STXBP5L: variants seen among roughly 807,000 people sequenced by gnomAD.
The protein encoded by STXBP5L is syntaxin binding protein 5L, also known as syntaxin-binding protein 5-like.
Under a neutral mutation model 144.5 loss-of-function variants are expected in STXBP5L, and 65 were observed. That is an observed-to-expected ratio of 0.45 (90% CI 0.37 to 0.55). The LOEUF (loss-of-function observed/expected upper bound fraction) is 0.55. Ranked by LOEUF, STXBP5L falls within the 20% of genes least tolerant of loss-of-function variation. The probability of loss-of-function intolerance (pLI) is 0.00; values close to 1 mark genes in which losing one functional copy is unlikely to be tolerated. For synonymous variants in STXBP5L, 505 were observed against 469.6 expected, an observed-to-expected ratio of 1.08 and a Z score of -0.97; for missense variants, 1,298 against 1,405.5, an observed-to-expected ratio of 0.92 and a Z score of 1.22.
At chr3:121,101,713 G>A (rs2043436432) in intron 5 of STXBP5L, among the ~76,000 whole-genome samples, 1 of 146,562 alleles carries the variant, frequency 6.8e-6, no homozygotes, top group East Asian at 1.9e-4. Flanking sequence ...ATTCAACATA[G>A]TACTGGAAGT....
chr3:120,986,558 A>G (rs1942304178), intron 3 of STXBP5L, among the ~76,000 whole-genome samples: 2 of 151,922 alleles, frequency 1.3e-5, no homozygotes. Context: ...ATAAGTAAAT[A>G]TTGTTGTATT....
At chr3:121,354,191 T>C (rs1489852470) in intron 20 of STXBP5L, among the ~76,000 whole-genome samples, 1 of 152,178 alleles carries the variant, frequency 6.6e-6, no homozygotes, top group Admixed American at 6.5e-5. Context: ...TAGGTGTCTA[T>C]TAGGTCTGTT....
chr3:121,063,880 G>A (rs989941282), intron 5 of STXBP5L, among the ~76,000 whole-genome samples: 4 of 152,040 alleles, frequency 2.6e-5, no homozygotes, highest in African/African-American at 7.2e-5. Context: ...TCAGACTGCT[G>A]TGTTGACAGC....
At chr3:121,138,707 T>G (rs2045366038) in intron 7 of STXBP5L, among the ~76,000 whole-genome samples, 1 of 151,996 alleles carries the variant, frequency 6.6e-6, no homozygotes, top group South Asian at 2.1e-4. Context: ...TATATGCATA[T>G]GTGGAAGAAT....
intron 5 of STXBP5L, among the ~76,000 whole-genome samples, chr3:121,100,909 A>G (rs2043388785): frequency 6.6e-6 from 1 of 152,094 alleles, no homozygotes; most frequent in Admixed American, 6.6e-5. Flanking sequence ...AACAAAGGTG[A>G]CATTATAACT....
rs965672790 is a variant in STXBP5L, at chr3:121,312,733, G to C, written c.2111-5742G>C. Among the ~76,000 whole-genome samples the C allele has an allele frequency of 5.3e-5, 8 of 150,756 alleles. No individual in the cohort carries two copies. In the East Asian group the frequency reaches 1.6e-3, roughly 30 times the overall value. ...TTGCACCGCCCTTAATCCATTTAAC[G>C]CTGAGTGGACACAGCACATGTTTCA... On this transcript the variant is annotated intron_variant, in intron 19 of 26. Coordinates refer to ENST00000471454, the MANE Select transcript of STXBP5L (RefSeq NM_001308330.2).
At chr3:121,016,601 T>G (rs1045907558) in intron 3 of STXBP5L, among the ~76,000 whole-genome samples, 1 of 152,140 alleles carries the variant, frequency 6.6e-6, no homozygotes, top group Non-Finnish European at 1.5e-5. Flanking sequence ...GAATAGAATA[T>G]CCAATAACTG....
chr3:121,118,823 A>C (rs1174247185), intron 6 of STXBP5L, among the ~76,000 whole-genome samples: 2 of 151,620 alleles, frequency 1.3e-5, no homozygotes, highest in Non-Finnish European at 3.0e-5. Flanking sequence ...AATGGTGTAC[A>C]ATGGTGCCAT....
intron 3 of STXBP5L, among the ~76,000 whole-genome samples, chr3:121,037,082 A>G (rs1235674760): frequency 6.6e-6 from 1 of 151,916 alleles, no homozygotes; most frequent in Non-Finnish European, 1.5e-5. Flanking sequence ...ACACATTATC[A>G]TGCACAGCTA....
intron 9 of STXBP5L, among the ~76,000 whole-genome samples, chr3:121,201,802 G>T (rs560848847): frequency 6.6e-6 from 1 of 152,042 alleles, no homozygotes; most frequent in South Asian, 2.1e-4. Flanking sequence ...TGAAATTCTC[G>T]TTTGAAAATT....
At chr3:121,394,749 C>T (rs549442236) in intron 22 of STXBP5L, among the ~76,000 whole-genome samples, 40 of 151,822 alleles carry the variant, frequency 2.6e-4, no homozygotes, top group South Asian at 1.9e-3. Flanking sequence ...GGACTACAGG[C>T]GCCCGCCACC....
intron 19 of STXBP5L, among the ~76,000 whole-genome samples, chr3:121,288,664 C>A (rs529501759): frequency 6.6e-6 from 1 of 152,116 alleles, no homozygotes; most frequent in Non-Finnish European, 1.5e-5. Flanking sequence ...CTATTTATGT[C>A]TTTTGCCTAC....
At chr3:120,937,232 C>G (rs1710310193) in intron 2 of STXBP5L, among the ~76,000 whole-genome samples, 1 of 152,150 alleles carries the variant, frequency 6.6e-6, no homozygotes, top group Non-Finnish European at 1.5e-5. Context: ...TTGTTAAGAA[C>G]AGAATGCTCT....
chr3:121,077,694 G>A (rs1297940590), intron 5 of STXBP5L, among the ~76,000 whole-genome samples: 6 of 152,120 alleles, frequency 3.9e-5, no homozygotes, highest in South Asian at 2.1e-4. Flanking sequence ...TGTTTTGACC[G>A]GGTGCTGATT....
chr3:121,026,515 G>T (rs1045805778), intron 3 of STXBP5L, among the ~76,000 whole-genome samples: 31 of 151,982 alleles, frequency 2.0e-4, no homozygotes, highest in Admixed American at 3.3e-4. Flanking sequence ...TTTATGTCTT[G>T]TTCACTGATA....
intron 10 of STXBP5L, among the ~76,000 whole-genome samples, chr3:121,212,533 G>A (rs943516899): frequency 6.6e-6 from 1 of 152,112 alleles, no homozygotes; most frequent in Non-Finnish European, 1.5e-5. Context: ...TAGATGGGTG[G>A]AGTTATTTCT....
At chr3:121,184,584 T>C (rs2047293482) in intron 9 of STXBP5L, among the ~76,000 whole-genome samples, 1 of 152,022 alleles carries the variant, frequency 6.6e-6, no homozygotes, top group Non-Finnish European at 1.5e-5. Context: ...CAAATCTACA[T>C]TTGATTGGTG....
Position 120,956,936 on chromosome 3 carries a change from T to C in STXBP5L, c.287+1899T>C, listed in dbSNP as rs1041318129. On this transcript the variant is annotated intron_variant, in intron 3 of 26. Coordinates refer to ENST00000471454, the MANE Select transcript of STXBP5L (RefSeq NM_001308330.2). ...GAATGAAGCTTTTACCCTGTTTTCT[T>C]CTAAGAGTTTTATAGTTTTAGGTTT... Among the ~76,000 whole-genome samples, 5 of 151,986 alleles carry C rather than the reference T, an allele frequency of 3.3e-5. No individual in the cohort carries two copies. In the South Asian group the frequency reaches 1.0e-3, roughly 32 times the overall value.
chr3:121,031,406 A>G (rs1946361603), intron 3 of STXBP5L, among the ~76,000 whole-genome samples: 1 of 151,296 alleles, frequency 6.6e-6, no homozygotes. Context: ...CTATTCATCA[A>G]TCAATCAATC....
Sources: gnomAD v4.1 joint callset for allele counts (sites outside exome capture counted in the v4.1 genomes callset) on GRCh38, gnomAD v4.1.1 for gene constraint, MANE v1.5 for transcripts, NCBI Gene and HGNC (gene_info 2026-07-23, HGNC 2026-07-21) for gene names.